HDX: variants seen among roughly 807,000 people sequenced by gnomAD.
HDX encodes chromosome X open reading frame 43.
Under a neutral mutation model 45.2 loss-of-function variants are expected in HDX, and 19 were observed. That is an observed-to-expected ratio of 0.42 (90% confidence interval 0.29 to 0.62). The LOEUF (loss-of-function observed/expected upper bound fraction) is 0.62, where lower values mean the gene tolerates loss of function less well. HDX is among the 20% of genes least tolerant of loss of function. The probability of loss-of-function intolerance (pLI) is 0.20; values close to 1 mark genes in which losing one functional copy is unlikely to be tolerated. For synonymous variants in HDX, 188 were observed against 172.8 expected, an observed-to-expected ratio of 1.09 and a Z score of -0.69; for missense variants, 532 against 493.9, an observed-to-expected ratio of 1.08 and a Z score of -0.73.
chrX:84,444,892 A>G (rs906056699), intron 4 of HDX, among the ~76,000 whole-genome samples: 1 of 111,709 alleles, frequency 9.0e-6, no homozygotes, highest in Non-Finnish European at 1.9e-5. Flanking sequence ...GCATGCAAAT[A>G]GTTAAGTTTT....
At chrX:84,324,774 ACT>A (rs1199216097) in intron 10 of HDX, among the ~76,000 whole-genome samples, 2 of 110,467 alleles carry the variant, frequency 1.8e-5, no homozygotes, top group African/African-American at 6.6e-5. Flanking sequence ...TGGCCATATA[ACT>A]CTCAATTCAC....
chrX:84,347,948 C>A, intron 6 of HDX, among the ~76,000 whole-genome samples: 1 of 110,813 alleles, frequency 9.0e-6, no homozygotes, highest in Middle Eastern at 4.7e-3. Context: ...GTTTGTTTTG[C>A]ATTTATCCTG....
At chrX:84,414,960 T>A (rs1462553857) in intron 5 of HDX, among the ~76,000 whole-genome samples, 1 of 112,436 alleles carries the variant, frequency 8.9e-6, no homozygotes, top group Non-Finnish European at 1.9e-5. Flanking sequence ...TAAGGAAACA[T>A]AGTTTGTTAT....
chrX:84,447,388 G>A (rs765713825), intron 4 of HDX, among the ~76,000 whole-genome samples: 2 of 111,688 alleles, frequency 1.8e-5, no homozygotes, highest in South Asian at 7.6e-4. Flanking sequence ...GGGCCAGTGG[G>A]AGCTAAGAGC....
chrX:84,344,332 T>C lies in HDX; in HGVS notation c.1578A>G (p.Gly526=). Residue 526 remains glycine (G), a synonymous_variant, in exon 7 of 11, where the codon GGA becomes GGG. Transcript: ENST00000373177. The part of the protein sequence containing the change: ...ESGSLSALTP[G]EEAGPEVGED... The stretch of plus-strand genomic sequence containing the variant: ...CTCCTACTTCAGGCCCAGCTTCCTC[T>C]CCTGGTGTGAGTGCAGATAAAGAAC... 1 of 1,207,591 alleles carries C rather than the reference T, an allele frequency of 8.3e-7. No individual in the cohort carries two copies. Among genetic ancestry groups the C allele is most frequent in the Non-Finnish European group, 1.1e-6 (1 of 892,126 alleles).
intron 6 of HDX, among the ~76,000 whole-genome samples, chrX:84,358,190 A>G (rs1254394045): frequency 2.7e-5 from 3 of 111,874 alleles, no homozygotes; most frequent in South Asian, 3.7e-4. Context: ...TTAATACAAC[A>G]CATCATTCAT....
intron 5 of HDX, among the ~76,000 whole-genome samples, chrX:84,428,220 C>G (rs1467354609): frequency 9.1e-6 from 1 of 110,058 alleles, no homozygotes; most frequent in Non-Finnish European, 1.9e-5. Flanking sequence ...TCTATTTGGG[C>G]TTGTCTTTTC....
Position 84,320,332 on chromosome X carries a change from G to A in HDX, c.*1557C>T, listed in dbSNP as rs1040295545. 9.0e-6 allele frequency: 1 copy of A among 110,666 alleles called. No homozygotes were observed. The allele number at this position is 110,666 out of a possible 1,213,427, so 9.1% of individuals were successfully genotyped here. On this transcript the variant is annotated 3_prime_UTR_variant, in exon 11 of 11. Transcript: ENST00000373177. ...AACAAAGGGACCATATCAGTAGTAT[G>A]GCAGCAATATAAACAAATAAGTGAC...
chrX:84,432,925 G>T (rs979927448), intron 5 of HDX, among the ~76,000 whole-genome samples: 2 of 111,157 alleles, frequency 1.8e-5, no homozygotes, highest in African/African-American at 6.5e-5. Flanking sequence ...AATGCTTCCA[G>T]CTTTTGCCCA....
intron 5 of HDX, among the ~76,000 whole-genome samples, chrX:84,397,970 C>T (rs1356876055): frequency 9.0e-6 from 1 of 110,550 alleles, no homozygotes; most frequent in Non-Finnish European, 1.9e-5. Context: ...GCGTGAGAAT[C>T]CTGCACCGGC....
At position 84,321,812 on chromosome X, in the gene HDX, A is replaced by T; in HGVS notation, c.*77T>A. 4.8e-6 allele frequency: 4 copies of T among 832,328 alleles called. No homozygotes were observed. The highest frequency in any genetic ancestry group is 6.7e-6 in the Non-Finnish European group (4 of 594,692). 68.6% of individuals were successfully genotyped at this position (832,328 alleles called of 1,213,427 possible). On this transcript the variant is annotated 3_prime_UTR_variant, in exon 11 of 11. Transcript: ENST00000373177. Reference sequence around the variant, plus strand: ...TTTCCCAACTAAAGAATACCAGGGCAACAGAATGCAGTTATCTTGAAATGC... The same window carrying T: ...TTTCCCAACTAAAGAATACCAGGGCTACAGAATGCAGTTATCTTGAAATGC...
intron 5 of HDX, among the ~76,000 whole-genome samples, chrX:84,400,130 A>T (rs1173032097): frequency 9.1e-6 from 1 of 109,581 alleles, no homozygotes; most frequent in African/African-American, 3.3e-5. Context: ...AAAAGCTGGA[A>T]CCTTTGAAAA....
At chrX:84,415,299 G>C (rs1485850832) in intron 5 of HDX, among the ~76,000 whole-genome samples, 1 of 112,056 alleles carries the variant, frequency 8.9e-6, no homozygotes. Flanking sequence ...ACACCAGAGG[G>C]AGAACAGAAA....
chrX:84,438,076 C>T (rs909484014), intron 5 of HDX, among the ~76,000 whole-genome samples: 12 of 110,988 alleles, frequency 1.1e-4, no homozygotes, highest in Non-Finnish European at 1.9e-4. Flanking sequence ...AATGAGCCTA[C>T]CAAAGCTTTC....
chrX:84,494,999 T>C (rs2040970178), intron 1 of HDX, among the ~76,000 whole-genome samples: 1 of 111,439 alleles, frequency 9.0e-6, no homozygotes, highest in Admixed American at 9.6e-5. Flanking sequence ...CAAAATGGAA[T>C]ACCATTCAGC....
chrX:84,368,374 T>C (rs1188564552), intron 5 of HDX, among the ~76,000 whole-genome samples: 1 of 111,713 alleles, frequency 9.0e-6, no homozygotes, highest in Non-Finnish European at 1.9e-5. Context: ...ATTAGCAAAC[T>C]TTTACAACTT....
At chrX:84,324,794 C>T (rs1367920088) in intron 10 of HDX, among the ~76,000 whole-genome samples, 1 of 110,430 alleles carries the variant, frequency 9.1e-6, no homozygotes, top group Non-Finnish European at 1.9e-5. Flanking sequence ...CACAACCATG[C>T]TATGACTTTC....
rs1443906390 is a variant in HDX at position 84,495,386 on chromosome X, TTTG to T, written c.-110+6953_-110+6955del. On this transcript the variant is annotated intron_variant, in intron 1 of 10. Transcript: ENST00000373177. ...CAAAATAAGTATGTGAGGTAACTGA[TTTG>T]TTATTAGCTTGATTTAGCTGTTCCA... 4.2e-3 allele frequency among the ~76,000 whole-genome samples: 471 copies of T among 111,698 alleles called. 2 individuals carry two copies. Among genetic ancestry groups the T allele is most frequent in the African/African-American group, 0.015 (450 of 30,815 alleles).
At chrX:84,407,980 G>A (rs1769499101) in intron 5 of HDX, among the ~76,000 whole-genome samples, 2 of 111,110 alleles carry the variant, frequency 1.8e-5, no homozygotes, top group South Asian at 7.5e-4. Context: ...TATCTTCCCC[G>A]ATTGTGTAGA....
Sources: gnomAD v4.1 joint callset for allele counts (sites outside exome capture counted in the v4.1 genomes callset) on GRCh38, gnomAD v4.1.1 for gene constraint, MANE v1.5 for transcripts, NCBI Gene and HGNC (gene_info 2026-07-23, HGNC 2026-07-21) for gene names.